RGS22: variants seen among roughly 807,000 people sequenced by gnomAD.
RGS22 encodes the protein regulator of G protein signaling 22, also known as regulator of G-protein signaling 22.
Under a neutral mutation model 172.9 loss-of-function variants are expected in RGS22, and 148 were observed. That is an observed-to-expected ratio of 0.86 (90% confidence interval 0.75 to 0.98). RGS22 has a LOEUF of 0.98. Ranked by LOEUF, RGS22 falls within the 50% of genes least tolerant of loss-of-function variation. RGS22 has a pLI of 0.00. For synonymous variants in RGS22, 458 were observed against 480.2 expected, an observed-to-expected ratio of 0.95 and a Z score of 0.60; for missense variants, 1,347 against 1,440.8, an observed-to-expected ratio of 0.93 and a Z score of 1.05.
intron 2 of RGS22, among the ~76,000 whole-genome samples, chr8:100,099,553 C>T (rs1813299284): frequency 6.6e-6 from 1 of 152,154 alleles, no homozygotes; most frequent in African/African-American, 2.4e-5. Context: ...ACTTTGGGGA[C>T]TAATGACAAT....
At chr8:100,025,411 TAA>T (rs1296679957) in intron 14 of RGS22, among the ~76,000 whole-genome samples, 1 of 152,168 alleles carries the variant, frequency 6.6e-6, no homozygotes, top group African/African-American at 2.4e-5. Context: ...CATAAAGCTA[TAA>T]AGAGGTACCT....
chr8:100,016,889 C>A (rs1817027904), intron 14 of RGS22, among the ~76,000 whole-genome samples: 1 of 147,490 alleles, frequency 6.8e-6, no homozygotes, highest in South Asian at 2.1e-4. Flanking sequence ...ACGTTGTGCA[C>A]ATGTAACCTA....
intron 2 of RGS22, among the ~76,000 whole-genome samples, chr8:100,094,417 T>C (rs746541221): frequency 6.6e-6 from 1 of 152,196 alleles, no homozygotes. Flanking sequence ...TTGAAGTATA[T>C]AGTGCTATCA....
At chr8:100,023,115 C>T (rs1003652246) in intron 14 of RGS22, among the ~76,000 whole-genome samples, 1 of 152,162 alleles carries the variant, frequency 6.6e-6, no homozygotes, top group African/African-American at 2.4e-5. Flanking sequence ...AGGACTGATA[C>T]ATGAAACCAG....
chr8:100,014,134 G>C (rs746247684), intron 14 of RGS22, among the ~76,000 whole-genome samples: 3 of 152,080 alleles, frequency 2.0e-5, no homozygotes, highest in Non-Finnish European at 2.9e-5. Context: ...TTCCTCTCAA[G>C]AGCTCTCTTT....
intron 9 of RGS22, among the ~76,000 whole-genome samples, chr8:100,055,489 T>C (rs1822148434): frequency 6.6e-6 from 1 of 152,152 alleles, no homozygotes; most frequent in South Asian, 2.1e-4. Context: ...TCCTTTCAAA[T>C]ATCTGGAAAG....
At chr8:99,991,498 A>T (rs1475035677) in intron 20 of RGS22, among the ~76,000 whole-genome samples, 3 of 152,224 alleles carry the variant, frequency 2.0e-5, no homozygotes. Context: ...AATTCGATCA[A>T]ATGGAAGAAG....
intron 4 of RGS22, among the ~76,000 whole-genome samples, 179 bp downstream of exon 4, chr8:100,079,955 A>T (rs918947760): frequency 1.3e-5 from 2 of 152,242 alleles, no homozygotes; most frequent in African/African-American, 4.8e-5. Flanking sequence ...ATAAGTGAAC[A>T]TCAACAAAAC....
At chr8:100,055,008 T>C (rs1822099524) in intron 9 of RGS22, among the ~76,000 whole-genome samples, 1 of 152,160 alleles carries the variant, frequency 6.6e-6, no homozygotes, top group African/African-American at 2.4e-5. Flanking sequence ...CCAGGTAGAC[T>C]TCTAAGGTGC....
At position 100,052,801 on chromosome 8, in the gene RGS22, C is replaced by T. The variant is rs754546877; in HGVS notation, c.1689+1G>A. On this transcript the variant is annotated splice_donor_variant, in intron 10 of 27. Coordinates refer to ENST00000360863, the MANE Select transcript of RGS22 (RefSeq NM_015668.5). LOFTEE classifies it high-confidence loss of function. The stretch of plus-strand genomic sequence containing the variant: ...GATCACAGCATGAATGTACACCCTA[C>T]CTGGATCTCAGGTATCTGTGGAATG... 2 of 1,613,592 alleles carry T rather than the reference C, an allele frequency of 1.2e-6. No individual in the cohort carries two copies. Among genetic ancestry groups the T allele is most frequent in the African/African-American group, 2.7e-5 (2 of 74,906 alleles).
Position 100,080,468 on chromosome 8 carries a change from T to C in RGS22, c.118-113A>G, listed in dbSNP as rs2131901207. 4 of 737,740 alleles carry C rather than the reference T, an allele frequency of 5.4e-6. No individual in the cohort carries two copies. The South Asian group carries it at 5.8e-5, about 11-fold the overall frequency. 45.7% of individuals were successfully genotyped at this position (737,740 alleles called of 1,614,324 possible). On this transcript the variant is annotated intron_variant, in intron 3 of 27. Transcript: ENST00000360863. ...TGCATACCTCACAGAGTTCTGTGTT[T>C]GTAATCATTCCCTCTTCCTTTTTAG...
At chr8:100,057,290 T>C (rs1809715557) in intron 9 of RGS22, among the ~76,000 whole-genome samples, 1 of 152,234 alleles carries the variant, frequency 6.6e-6, no homozygotes, top group Non-Finnish European at 1.5e-5. Flanking sequence ...AGAAGGGACT[T>C]GCCTTGTCTC....
intron 17 of RGS22, chr8:100,003,163 T>G (rs918096430): frequency 1.8e-5 from 4 of 225,610 alleles, no homozygotes; most frequent in African/African-American, 9.3e-5. Flanking sequence ...AAGGTATAAC[T>G]GGATTGTTTG....
intron 14 of RGS22, among the ~76,000 whole-genome samples, chr8:100,037,901 C>A (rs2131584838): frequency 1.3e-5 from 2 of 152,250 alleles, no homozygotes; most frequent in South Asian, 4.2e-4. Flanking sequence ...TATGTAGGGG[C>A]TGAAGCCCTT....
In RGS22 at chr8:100,003,946, A is replaced by G; in HGVS notation, c.2607T>C (p.Phe869=). The G allele has an allele frequency of 1.2e-6, 2 of 1,607,330 alleles. No individual in the cohort carries two copies. Among genetic ancestry groups the G allele is most frequent in the Non-Finnish European group, 1.7e-6 (2 of 1,176,360 alleles). Residue 869 remains phenylalanine (F), a synonymous_variant, in exon 17 of 28, where the codon TTT becomes TTC. Transcript: ENST00000360863. ...CTCACCTTGAAGAATGAGTCTCAAG[A>G]AACTGACGGAAATGTTCAAACTCCA... is the stretch of plus-strand genomic sequence containing the variant. ...NKLEFEHFRQ[F]LETHSSSMDL...
chr8:100,051,498 A>T (rs1378920218), intron 10 of RGS22, among the ~76,000 whole-genome samples: 1 of 60,236 alleles, frequency 1.7e-5, no homozygotes, highest in Non-Finnish European at 3.0e-5. Context: ...TATAATATAT[A>T]ATAAATATAT....
intron 3 of RGS22, among the ~76,000 whole-genome samples, chr8:100,083,636 G>A (rs1470826223): frequency 6.6e-6 from 1 of 151,860 alleles, no homozygotes; most frequent in Admixed American, 6.6e-5. Context: ...AAAGTGCTGG[G>A]ATTACAGGCA....
At chr8:100,021,674 T>C (rs1025927223) in intron 14 of RGS22, among the ~76,000 whole-genome samples, 4 of 152,036 alleles carry the variant, frequency 2.6e-5, no homozygotes, top group Admixed American at 1.3e-4. Context: ...CTGTATGTGA[T>C]GGCAAATAGC....
intron 15 of RGS22, 38 bp from the exon 16 acceptor site, chr8:100,006,147 T>C (rs1815684670): frequency 2.0e-6 from 3 of 1,534,608 alleles, no homozygotes; most frequent in East Asian, 2.3e-5. Flanking sequence ...ATCAAGAGAA[T>C]GTACAATTTG....
Sources: gnomAD v4.1 joint callset for allele counts (sites outside exome capture counted in the v4.1 genomes callset) on GRCh38, gnomAD v4.1.1 for gene constraint, MANE v1.5 for transcripts, NCBI Gene and HGNC (gene_info 2026-07-23, HGNC 2026-07-21) for gene names.